Variants in GOT1 observed in about 807,000 individuals in gnomAD.
The protein encoded by GOT1 is aspartate aminotransferase, cytoplasmic.
A neutral mutation model predicts 48.2 loss-of-function variants in GOT1; 25 were observed. That is an observed-to-expected ratio of 0.52 (90% CI 0.38 to 0.72). The LOEUF (loss-of-function observed/expected upper bound fraction) is 0.72, where lower values mean the gene tolerates loss of function less well. GOT1 is among the 30% of genes least tolerant of loss of function. The probability of loss-of-function intolerance (pLI) is 0.00; values close to 1 mark genes in which losing one functional copy is unlikely to be tolerated. For missense variants in GOT1, 380 were observed against 520.1 expected (o/e 0.73, Z 2.62); for synonymous variants, 188 against 193.8 (o/e 0.97, Z 0.25).
chr10:99,404,020 C>T, intron 5 of GOT1, 146 bp from the exon 6 acceptor site: 1 of 693,380 alleles, frequency 1.4e-6, no homozygotes, highest in South Asian at 1.8e-5. Flanking sequence ...CCAAGCTCCA[C>T]TTTACATCCA....
chr10:99,429,053 C>CT (rs779414711), intron 1 of GOT1, among the ~76,000 whole-genome samples: 3,288 of 144,892 alleles, frequency 0.023, 55 homozygotes, highest in Middle Eastern at 0.057. Context: ...TTAGTGAAGA[C>CT]TTTTTTTTTT....
chr10:99,427,008 AAGG>A (rs990530580), intron 1 of GOT1, among the ~76,000 whole-genome samples: 26 of 152,326 alleles, frequency 1.7e-4, no homozygotes, highest in African/African-American at 6.3e-4. Flanking sequence ...TAACGGCTGG[AAGG>A]AGACCTTTTA....
intron 2 of GOT1, among the ~76,000 whole-genome samples, chr10:99,417,725 T>A (rs1413354578): frequency 6.6e-6 from 1 of 151,808 alleles, no homozygotes; most frequent in Non-Finnish European, 1.5e-5. Flanking sequence ...GTGGCACATA[T>A]AAAAGGATGA....
chr10:99,427,512 G>A (rs1242174123), intron 1 of GOT1, among the ~76,000 whole-genome samples: 1 of 152,134 alleles, frequency 6.6e-6, no homozygotes, highest in African/African-American at 2.4e-5. Context: ...CTCGTGATCC[G>A]CCCGCCTCGG....
chr10:99,410,759 C>G (rs1564971322), intron 2 of GOT1, among the ~76,000 whole-genome samples: 1 of 152,186 alleles, frequency 6.6e-6, no homozygotes, highest in Admixed American at 6.5e-5. Context: ...TGTCCTACAG[C>G]CTAAGAATGT....
At chr10:99,404,328 C>T (rs927482652) in intron 5 of GOT1, among the ~76,000 whole-genome samples, 1 of 152,176 alleles carries the variant, frequency 6.6e-6, no homozygotes, top group Non-Finnish European at 1.5e-5. Context: ...CACAGGGAAC[C>T]TGCTTCTACA....
chr10:99,423,057 T>C (rs1435479037), intron 1 of GOT1, among the ~76,000 whole-genome samples: 10 of 152,236 alleles, frequency 6.6e-5, no homozygotes, highest in Admixed American at 6.5e-4. Context: ...TTTTGACAAA[T>C]ATTTCCAAAT....
At chr10:99,399,980 G>A (rs2032649620) in intron 8 of GOT1, among the ~76,000 whole-genome samples, 1 of 152,188 alleles carries the variant, frequency 6.6e-6, no homozygotes, top group Non-Finnish European at 1.5e-5. Flanking sequence ...AGCCCTGGGT[G>A]TGCCACTCTT....
At chr10:99,420,416 T>G (rs2032950592) in intron 2 of GOT1, 2 of 517,250 alleles carry the variant, frequency 3.9e-6, no homozygotes, top group Non-Finnish European at 6.8e-6. Flanking sequence ...TCTGATGATC[T>G]ACTGGGCAAA....
chr10:99,401,712 C>CA (rs1383451325), intron 8 of GOT1, among the ~76,000 whole-genome samples: 3 of 151,988 alleles, frequency 2.0e-5, no homozygotes, highest in Non-Finnish European at 2.9e-5. Flanking sequence ...GATGGGACTG[C>CA]AGATGGCAGA....
chr10:99,429,314 C>G (rs994085717), intron 1 of GOT1, among the ~76,000 whole-genome samples: 20 of 151,392 alleles, frequency 1.3e-4, no homozygotes, highest in African/African-American at 4.4e-4. Context: ...TCCCAAAGTG[C>G]TGGGATTACA....
In GOT1 at chr10:99,403,259, G is replaced by A. The variant is rs568549102; in HGVS notation, c.959+210C>T. Among the ~76,000 whole-genome samples the A allele has an allele frequency of 3.9e-5, 6 of 152,094 alleles. No homozygotes were observed. The East Asian group carries it at 7.7e-4, about 20-fold the overall frequency. ...AAATTGGGGAAAACTACCATTCATC[G>A]AGTGCCCCCTCCTGTCTTCCAGGTG... is the stretch of plus-strand genomic sequence containing the variant. On this transcript the variant is annotated intron_variant, in intron 7 of 8. Transcript: ENST00000370508.
chr10:99,415,926 T>C (rs1178606017), intron 2 of GOT1, among the ~76,000 whole-genome samples: 3 of 152,162 alleles, frequency 2.0e-5, no homozygotes, highest in Non-Finnish European at 2.9e-5. Context: ...AAATTAGGTA[T>C]TGATGGGACG....
At chr10:99,407,073 A>C (rs2032769202) in intron 2 of GOT1, among the ~76,000 whole-genome samples, 1 of 152,232 alleles carries the variant, frequency 6.6e-6, no homozygotes. Context: ...AACCTTGCTC[A>C]AAGTTACCAG....
chr10:99,420,996 A>G (rs547421177), intron 1 of GOT1, among the ~76,000 whole-genome samples, 191 bp from the exon 2 acceptor site: 202 of 152,352 alleles, frequency 1.3e-3, no homozygotes, highest in Non-Finnish European at 2.4e-3. Context: ...CTGGGCAAAC[A>G]TAAGGGCAGA....
intron 1 of GOT1, among the ~76,000 whole-genome samples, chr10:99,423,914 C>T (rs2033003712): frequency 2.0e-5 from 3 of 152,106 alleles, no homozygotes; most frequent in African/African-American, 4.8e-5. Flanking sequence ...CCTCGGACTT[C>T]CAAAGTGCTG....
chr10:99,411,745 T>C (rs1428686618), intron 2 of GOT1, among the ~76,000 whole-genome samples: 1 of 152,214 alleles, frequency 6.6e-6, no homozygotes, highest in Non-Finnish European at 1.5e-5. Flanking sequence ...CTCCAGCATC[T>C]AGAACAGTGC....
chr10:99,410,393 C>G (rs1222688887), intron 2 of GOT1, among the ~76,000 whole-genome samples: 1 of 152,152 alleles, frequency 6.6e-6, no homozygotes, highest in Non-Finnish European at 1.5e-5. Flanking sequence ...GCATAGATAC[C>G]AGTGGAAACA....
chr10:99,430,623 C>T lies in GOT1; in HGVS notation c.-58G>A. On this transcript the variant is annotated 5_prime_UTR_variant, in exon 1 of 9. Coordinates refer to ENST00000370508, the MANE Select transcript of GOT1 (RefSeq NM_002079.3). The stretch of plus-strand genomic sequence containing the variant: ...CACGCCCGGAGCTGGCAGGTCAGGT[C>T]TGGCCGTTGCGACTGGAGGAGACAC... 1 of 1,430,000 alleles carries T rather than the reference C, an allele frequency of 7.0e-7. No individual in the cohort carries two copies. The highest frequency in any genetic ancestry group is 9.5e-7 in the Non-Finnish European group (1 of 1,050,612). 88.6% of individuals were successfully genotyped at this position (1,430,000 alleles called of 1,614,324 possible). A position where few individuals can be genotyped will look rare whatever the true frequency, so the allele number is the denominator to read the frequency against.
Sources: allele counts gnomAD v4.1 joint callset (sites outside exome capture counted in the v4.1 genomes callset), GRCh38; gene constraint gnomAD v4.1.1; transcripts MANE v1.5; gene names NCBI Gene and HGNC (gene_info 2026-07-23, HGNC 2026-07-21).